PXDNL: variants seen among roughly 807,000 people sequenced by gnomAD.
PXDNL encodes probable oxidoreductase PXDNL.
A neutral mutation model predicts 150.8 loss-of-function variants in PXDNL; 145 were observed. The observed-to-expected ratio is 0.96, with a 90% CI of 0.84 to 1.10. The LOEUF (loss-of-function observed/expected upper bound fraction) is 1.10, where lower values mean the gene tolerates loss of function less well. Ranked by LOEUF, PXDNL falls within the 50% of genes least tolerant of loss-of-function variation. The pLI is 0.00. For synonymous variants in PXDNL, 757 were observed against 725.7 expected, an observed-to-expected ratio of 1.04 and a Z score of -0.69; for missense variants, 2,087 against 1,873.9, an observed-to-expected ratio of 1.11 and a Z score of -2.10.
chr8:51,581,704 C>T (rs531126977), intron 3 of PXDNL, among the ~76,000 whole-genome samples: 3 of 152,140 alleles, frequency 2.0e-5, no homozygotes, highest in South Asian at 4.1e-4. Flanking sequence ...CCTTGCCTGG[C>T]TTTGATTTCA....
At chr8:51,364,442 A>G (rs1354096215) in intron 19 of PXDNL, among the ~76,000 whole-genome samples, 1 of 152,218 alleles carries the variant, frequency 6.6e-6, no homozygotes, top group African/African-American at 2.4e-5. Flanking sequence ...TAGCTTTTTC[A>G]CCAGATCAAG....
intron 8 of PXDNL, among the ~76,000 whole-genome samples, chr8:51,459,091 G>A (rs1810006047): frequency 1.3e-5 from 2 of 152,182 alleles, no homozygotes; most frequent in African/African-American, 2.4e-5. Flanking sequence ...CATATCACCC[G>A]TGAAGTTTCT....
At chr8:51,640,080 G>T (rs942355772) in intron 2 of PXDNL, among the ~76,000 whole-genome samples, 2 of 152,092 alleles carry the variant, frequency 1.3e-5, no homozygotes, top group African/African-American at 4.8e-5. Context: ...ATCCAGCATA[G>T]AAACAGAACC....
At chr8:51,742,391 A>G (rs528648800) in intron 1 of PXDNL, among the ~76,000 whole-genome samples, 25 of 152,330 alleles carry the variant, frequency 1.6e-4, no homozygotes, top group Middle Eastern at 3.4e-3. Flanking sequence ...AACAGTGTAC[A>G]CATAAAAACA....
chr8:51,742,204 CAAG>C (rs2036914363), intron 1 of PXDNL, among the ~76,000 whole-genome samples: 1 of 152,182 alleles, frequency 6.6e-6, no homozygotes, highest in East Asian at 1.9e-4. Flanking sequence ...ATTAAAGAGA[CAAG>C]AAGAGATTAG....
chr8:51,709,992 T>A (rs1816461683), intron 1 of PXDNL, among the ~76,000 whole-genome samples: 1 of 131,876 alleles, frequency 7.6e-6, no homozygotes, highest in Admixed American at 7.1e-5. Flanking sequence ...GTTTATATTA[T>A]CCATAAGCAT....
intron 19 of PXDNL, among the ~76,000 whole-genome samples, chr8:51,363,958 C>A (rs1806834344): frequency 6.6e-6 from 1 of 152,066 alleles, no homozygotes; most frequent in South Asian, 2.1e-4. Context: ...TAGTACTGGG[C>A]AAAGCTAGAG....
chr8:51,494,812 A>T (rs138569979), intron 5 of PXDNL, among the ~76,000 whole-genome samples: 2 of 150,912 alleles, frequency 1.3e-5, no homozygotes, highest in South Asian at 4.2e-4. Flanking sequence ...GAGACTTAGA[A>T]TCCCACACAA....
At chr8:51,497,617 G>A (rs527720702) in intron 5 of PXDNL, among the ~76,000 whole-genome samples, 48,586 of 151,880 alleles carry the variant, frequency 0.32, 8,626 homozygotes, top group African/African-American at 0.47. Flanking sequence ...AAAAGTGGGT[G>A]AAGGACACGA....
At chr8:51,349,967 A>G (rs144051826) in intron 19 of PXDNL, among the ~76,000 whole-genome samples, 206 of 152,336 alleles carry the variant, frequency 1.4e-3, no homozygotes, top group Non-Finnish European at 1.9e-3. Context: ...AAAACTGACA[A>G]TAAATTTGAG....
chr8:51,327,070 C>G (rs1012583759), intron 21 of PXDNL, among the ~76,000 whole-genome samples: 7 of 152,190 alleles, frequency 4.6e-5, no homozygotes, highest in African/African-American at 1.7e-4. Context: ...TATTGCCTAT[C>G]TCCTTCTGCA....
At chr8:51,451,487 G>T (rs1809807783) in intron 10 of PXDNL, among the ~76,000 whole-genome samples, 1 of 152,202 alleles carries the variant, frequency 6.6e-6, no homozygotes, top group Non-Finnish European at 1.5e-5. Flanking sequence ...AATAGCACAT[G>T]CCGAGATGAA....
At chr8:51,332,811 A>G (rs1233291706) in intron 21 of PXDNL, among the ~76,000 whole-genome samples, 2 of 152,224 alleles carry the variant, frequency 1.3e-5, no homozygotes, top group Non-Finnish European at 1.5e-5. Flanking sequence ...AGAAAATATG[A>G]ACAAAGCCTC....
Position 51,623,197 on chromosome 8 carries a change from T to C in PXDNL, c.237-30499A>G, listed in dbSNP as rs1814291834. ...TAAGACAAAAAGCCTCTGCCTCTGC[T>C]GGAGAAAGCGATTCCCCAGGGCAGG... On this transcript the variant is annotated intron_variant, in intron 2 of 22. Transcript: ENST00000356297. Among the ~76,000 whole-genome samples, 3 of 152,180 alleles carry C rather than the reference T, an allele frequency of 2.0e-5. No homozygotes were observed. The South Asian group carries it at 6.2e-4, about 32-fold the overall frequency.
At chr8:51,356,375 G>A (rs1354247923) in intron 19 of PXDNL, among the ~76,000 whole-genome samples, 3 of 151,990 alleles carry the variant, frequency 2.0e-5, no homozygotes, top group Non-Finnish European at 4.4e-5. Context: ...TGTAATCTCA[G>A]CTACTCAGGC....
chr8:51,650,269 A>T (rs1434640057), intron 2 of PXDNL, among the ~76,000 whole-genome samples: 3 of 151,190 alleles, frequency 2.0e-5, no homozygotes, highest in Admixed American at 6.6e-5. Context: ...GGCATAGATT[A>T]AAAAAAAATA....
intron 3 of PXDNL, among the ~76,000 whole-genome samples, chr8:51,583,287 G>C (rs1432405116): frequency 6.6e-6 from 1 of 152,118 alleles, no homozygotes; most frequent in Non-Finnish European, 1.5e-5. Context: ...GAGGGCTACA[G>C]GAAGCTGACC....
At chr8:51,642,998 C>A (rs1241929004) in intron 2 of PXDNL, among the ~76,000 whole-genome samples, 1 of 152,062 alleles carries the variant, frequency 6.6e-6, no homozygotes, top group Non-Finnish European at 1.5e-5. Flanking sequence ...ATGTGAAGGA[C>A]CTCTTCAAGG....
At chr8:51,762,268 C>T (rs1246883244) in intron 1 of PXDNL, among the ~76,000 whole-genome samples, 1 of 152,102 alleles carries the variant, frequency 6.6e-6, no homozygotes, top group African/African-American at 2.4e-5. Context: ...AAATATTTAA[C>T]CCCAAAATAT....
Sources: gnomAD v4.1 joint callset for allele counts (sites outside exome capture counted in the v4.1 genomes callset) on GRCh38, gnomAD v4.1.1 for gene constraint, MANE v1.5 for transcripts, NCBI Gene and HGNC (gene_info 2026-07-23, HGNC 2026-07-21) for gene names.